KLHL34: variants seen among roughly 807,000 people sequenced by gnomAD.
The protein encoded by KLHL34 is kelch-like protein 34.
A neutral mutation model predicts 23.8 loss-of-function variants in KLHL34; 24 were observed. The ratio of observed to expected loss-of-function variants is 1.01; its 90% confidence interval spans 0.73 to 1.42. KLHL34 has a LOEUF of 1.42. Ranked by LOEUF, KLHL34 falls within the 40% of genes most tolerant of loss-of-function variation. KLHL34 has a pLI of 0.00. For synonymous variants in KLHL34, 303 were observed against 287.9 expected, an observed-to-expected ratio of 1.05 and a Z score of -0.53; for missense variants, 652 against 595.1, an observed-to-expected ratio of 1.10 and a Z score of -0.99.
chrX:21,655,635 G>A lies in KLHL34; in HGVS notation c.*219C>T. 1.9e-6 allele frequency: 1 copy of A among 517,429 alleles called. No homozygotes were observed. The highest frequency in any genetic ancestry group is 2.8e-6 in the Non-Finnish European group (1 of 362,678). The allele number at this position is 517,429 out of a possible 1,213,427, so 42.6% of individuals were successfully genotyped here. A position where few individuals can be genotyped will look rare whatever the true frequency, so the allele number is the denominator to read the frequency against. ...TTTCTTTCACCAGCTCACTGAAGTT[G>A]ATTCATATAGCCTTCTATTTGACCC... is the stretch of plus-strand genomic sequence containing the variant. On this transcript the variant is annotated 3_prime_UTR_variant, in exon 1 of 1. Coordinates refer to ENST00000379499, the MANE Select transcript of KLHL34 (RefSeq NM_153270.3).
Position 21,656,846 on chromosome X carries a change from CGGGCTCTG to C in KLHL34, c.935_942del (p.Pro312ArgfsTer124). 1 of 1,189,782 alleles carries C rather than the reference CGGGCTCTG, an allele frequency of 8.4e-7. No homozygotes were observed. The highest frequency in any genetic ancestry group is 3.0e-5 in the East Asian group (1 of 33,481). ...TCCTCCAACTCTTCCTCTTCTTCCT[CGGGCTCTG>C]GGGCGGCGACCTGGCCCCTAGCTGC... On this transcript the variant is annotated frameshift_variant, in exon 1 of 1. Transcript: ENST00000379499. LOFTEE classifies it high-confidence loss of function.
chrX:21,657,478 T>C lies in KLHL34; in HGVS notation c.311A>G (p.Glu104Gly). ...AGTGACCTGCAGGTAGCTGGCGGCC[T>C]CCAGAGTGTCCTCTACAGTGTCCAT... ...LSMDTVEDTL[E>G]AASYLQVTEA... The change falls in exon 1 of 1, where the codon GAG becomes GGG. Residue 104 changes from glutamate (E) to glycine (G), a missense_variant. Glu to Gly is a moderately conservative substitution (Grantham distance 98, BLOSUM62 -2). Transcript: ENST00000379499. 8.3e-7 allele frequency: 1 copy of C among 1,210,290 alleles called. No homozygotes were observed. The highest frequency in any genetic ancestry group is 1.1e-6 in the Non-Finnish European group (1 of 895,037).
In KLHL34 at chrX:21,657,219, C is replaced by G. The variant is rs771145151; in HGVS notation, c.570G>C (p.Arg190=). Residue 190 remains arginine (R), a synonymous_variant, in exon 1 of 1, where the codon CGG becomes CGC. Transcript: ENST00000379499. Reference sequence around the variant, plus strand: ...GGCCCAGTAGCCGGGCCTCGGGCACCCGCGCCACGTCGGGGGCACCCAGTA... The same window carrying G: ...GGCCCAGTAGCCGGGCCTCGGGCACGCGCGCCACGTCGGGGGCACCCAGTA... The part of the protein sequence containing the change: ...RAVLGAPDVA[R]VPEARLLGLA... 1.5e-5 allele frequency: 18 copies of G among 1,196,682 alleles called. No homozygotes were observed. The South Asian group carries it at 2.9e-4, about 19-fold the overall frequency.
In KLHL34 at chrX:21,656,269, C is replaced by T; in HGVS notation, c.1520G>A (p.Ser507Asn). The stretch of plus-strand genomic sequence containing the variant: ...TGCGGTGCCCATGGGTGCCTTCTTG[C>T]TCCAAACCTGCTCCTCAGGGCCCAG... ...YVLGPEEQVWSKKAPMGTARF... is the reference protein window; with the variant it reads ...YVLGPEEQVWNKKAPMGTARF... Residue 507 changes from serine (S) to asparagine (N), a missense_variant, in exon 1 of 1, where the codon AGC becomes AAC. By Grantham distance (46) the Ser-to-Asn change is conservative. Coordinates refer to ENST00000379499, the MANE Select transcript of KLHL34 (RefSeq NM_153270.3). 1 of 1,203,580 alleles carries T rather than the reference C, an allele frequency of 8.3e-7. No homozygotes were observed. Among genetic ancestry groups the T allele is most frequent in the Non-Finnish European group, 1.1e-6 (1 of 891,643 alleles).
chrX:21,658,024 C>T lies in KLHL34; in HGVS notation c.-236G>A, dbSNP rs777856852. The T allele has an allele frequency of 7.0e-4, 261 of 372,513 alleles. 1 individual carries two copies. The Middle Eastern group carries it at 9.7e-3, about 14-fold the overall frequency. The allele number at this position is 372,513 out of a possible 1,213,427, so 30.7% of individuals were successfully genotyped here. ...AACGGTTTTCGGAGGCCCCTAGTAACGGAGGGCGCGGAATTTGGAGGCTTC... is the reference window on the plus strand; with the variant it reads ...AACGGTTTTCGGAGGCCCCTAGTAATGGAGGGCGCGGAATTTGGAGGCTTC... On this transcript the variant is annotated 5_prime_UTR_variant, in exon 1 of 1. Transcript: ENST00000379499.
chrX:21,655,645 G>T lies in KLHL34; in HGVS notation c.*209C>A. ...CAGCTCACTGAAGTTGATTCATATAGCCTTCTATTTGACCCCCCGCCCCGC... is the reference window on the plus strand; with the variant it reads ...CAGCTCACTGAAGTTGATTCATATATCCTTCTATTTGACCCCCCGCCCCGC... On this transcript the variant is annotated 3_prime_UTR_variant, in exon 1 of 1. Coordinates refer to ENST00000379499, the MANE Select transcript of KLHL34 (RefSeq NM_153270.3). The T allele has an allele frequency of 1.7e-6, 1 of 593,774 alleles. No homozygotes were observed. Among genetic ancestry groups the T allele is most frequent in the Non-Finnish European group, 2.4e-6 (1 of 424,473 alleles). The allele number at this position is 593,774 out of a possible 1,213,427, so 48.9% of individuals were successfully genotyped here.
In KLHL34 at chrX:21,654,812, C is replaced by T. The variant is rs2092729217; in HGVS notation, c.*1042G>A. On this transcript the variant is annotated 3_prime_UTR_variant, in exon 1 of 1. Transcript: ENST00000379499. ...TAACTTTGCTGCCTCATTGGTGATA[C>T]AAGCCAAAAGCAGCACCTGTTCAGT... is the stretch of plus-strand genomic sequence containing the variant. 1 of 111,221 alleles carries T rather than the reference C, an allele frequency of 9.0e-6. No individual in the cohort carries two copies. Among genetic ancestry groups the T allele is most frequent in the Admixed American group, 9.6e-5 (1 of 10,471 alleles). The allele number at this position is 111,221 out of a possible 1,213,427, so 9.2% of individuals were successfully genotyped here. A position where few individuals can be genotyped will look rare whatever the true frequency, so the allele number is the denominator to read the frequency against.
chrX:21,656,342 C>T lies in KLHL34; in HGVS notation c.1447G>A (p.Ala483Thr). ...RGVVYISGGK[A>T]GRGEGGASSL... Reference sequence around the variant, plus strand: ...CTCGCTCCGCCCTCGCCTCTCCCTGCCTTGCCCCCCGAGATGTACACAACA... The same window carrying T: ...CTCGCTCCGCCCTCGCCTCTCCCTGTCTTGCCCCCCGAGATGTACACAACA... The change falls in exon 1 of 1, where the codon GCA (alanine) becomes ACA (threonine). Residue 483 changes from alanine to threonine, a missense_variant. Physicochemically the swap from Ala to Thr is moderately conservative, Grantham distance 58. Transcript: ENST00000379499. The T allele has an allele frequency of 8.3e-7, 1 of 1,199,570 alleles. No homozygotes were observed. Among genetic ancestry groups the T allele is most frequent in the Non-Finnish European group, 1.1e-6 (1 of 889,781 alleles).
Position 21,658,033 on chromosome X carries a change from C to A in KLHL34, c.-245G>T. 2.8e-6 allele frequency: 1 copy of A among 361,527 alleles called. No homozygotes were observed. The highest frequency in any genetic ancestry group is 7.8e-5 in the South Asian group (1 of 12,854). 29.8% of individuals were successfully genotyped at this position (361,527 alleles called of 1,213,427 possible). A position where few individuals can be genotyped will look rare whatever the true frequency, so the allele number is the denominator to read the frequency against. On this transcript the variant is annotated 5_prime_UTR_variant, in exon 1 of 1. Coordinates refer to ENST00000379499, the MANE Select transcript of KLHL34 (RefSeq NM_153270.3). Reference sequence around the variant, plus strand: ...CGGAGGCCCCTAGTAACGGAGGGCGCGGAATTTGGAGGCTTCCCGGGAGTG... The same window carrying A: ...CGGAGGCCCCTAGTAACGGAGGGCGAGGAATTTGGAGGCTTCCCGGGAGTG...
rs2092735733 is a variant in KLHL34, at chrX:21,657,795, CA to C, written c.-8del. 1.0e-5 allele frequency: 12 copies of C among 1,176,378 alleles called. No homozygotes were observed. Among genetic ancestry groups the C allele is most frequent in the Non-Finnish European group, 1.3e-5 (11 of 876,266 alleles). ...AAGACAGGAAGTAACTCATTCTACC[CA>C]GGGCTGGAAGCAGCCTGGTGGGACC... is the stretch of plus-strand genomic sequence containing the variant. On this transcript the variant is annotated 5_prime_UTR_variant, in exon 1 of 1. An upstream open reading frame in the 5' UTR gains an earlier in-frame stop. Transcript: ENST00000379499.
In KLHL34 at chrX:21,656,881, C is replaced by T. The variant is rs149145132; in HGVS notation, c.908G>A (p.Arg303Lys). 7.5e-4 allele frequency: 874 copies of T among 1,169,412 alleles called. 5 individuals are homozygous for T. Among genetic ancestry groups the T allele is most frequent in the Non-Finnish European group, 8.1e-4 (706 of 875,371 alleles). ...GGCGGCGACCTGGCCCCTAGCTGCC[C>T]TCTGCGGGGCCGCGACCTCCTCAAT... Reference protein sequence around the residue: ...VVIEEVAAPQRAARGQVAAPE... With the variant: ...VVIEEVAAPQKAARGQVAAPE... The change falls in exon 1 of 1, where the codon AGG becomes AAG. Residue 303 changes from arginine (R) to lysine (K), a missense_variant. Physicochemically the swap from Arg to Lys is conservative, Grantham distance 26 (BLOSUM62 2). Transcript: ENST00000379499.
chrX:21,656,312 G>A lies in KLHL34; in HGVS notation c.1477C>T (p.Leu493Phe). 1.7e-6 allele frequency: 2 copies of A among 1,200,255 alleles called. No individual in the cohort carries two copies. The highest frequency in any genetic ancestry group is 1.1e-6 in the Non-Finnish European group (1 of 889,945). The change falls in exon 1 of 1, where the codon CTC becomes TTC. Residue 493 changes from leucine (L) to phenylalanine (F), a missense_variant. Transcript: ENST00000379499. ...AGRGEGGASSLRDLYVLGPEE... is the reference protein window; with the variant it reads ...AGRGEGGASSFRDLYVLGPEE... ...GGGCCCAGGACGTATAAGTCCCGGA[G>A]GCTGCTCGCTCCGCCCTCGCCTCTC...
In KLHL34 at chrX:21,656,237, C is replaced by T. The variant is rs2092732184; in HGVS notation, c.1552G>A (p.Gly518Arg). 1.7e-6 allele frequency: 2 copies of T among 1,196,853 alleles called. No individual in the cohort carries two copies. The highest frequency in any genetic ancestry group is 2.3e-6 in the Non-Finnish European group (2 of 888,234). Residue 518 changes from glycine (G) to arginine (R), a missense_variant, in exon 1 of 1, where the codon GGG becomes AGG. By Grantham distance (125) the Gly-to-Arg change is moderately radical (BLOSUM62 -2). Transcript: ENST00000379499. The stretch of plus-strand genomic sequence containing the variant: ...CCGCGCAGCACTGCCATGTGGTGCC[C>T]GAAACGTGCGGTGCCCATGGGTGCC... Reference protein sequence around the residue: ...KKAPMGTARFGHHMAVLRGAV... With the variant: ...KKAPMGTARFRHHMAVLRGAV...
chrX:21,655,964 A>G lies in KLHL34; in HGVS notation c.1825T>C (p.Leu609=). 1 of 1,210,816 alleles carries G rather than the reference A, an allele frequency of 8.3e-7. No homozygotes were observed. The highest frequency in any genetic ancestry group is 1.1e-6 in the Non-Finnish European group (1 of 895,190). ...LDRWEDIGCA[L]PWAWSGLRCA... ...CGCAGGCCGCTCCAGGCCCAGGGCA[A>G]CGCGCAGCCGATGTCCTCCCAACGG... Residue 609 remains leucine (L), a synonymous_variant, in exon 1 of 1, where the codon TTG becomes CTG. Transcript: ENST00000379499.
chrX:21,656,397 G>T lies in KLHL34; in HGVS notation c.1392C>A (p.His464Gln), dbSNP rs770766945. The stretch of plus-strand genomic sequence containing the variant: ...GGTCCCCGACGGCCCCCGCGTGACC[G>T]TGCAGAGCCCGCGGTAGTGCCCCAG... ...TAAGALPRAL[H>Q]GHAGAVGDRG... The change falls in exon 1 of 1, where the codon CAC becomes CAA. Residue 464 changes from histidine to glutamine, a missense_variant. Coordinates refer to ENST00000379499, the MANE Select transcript of KLHL34 (RefSeq NM_153270.3). The T allele has an allele frequency of 8.4e-7, 1 of 1,195,897 alleles. No homozygotes were observed. The highest frequency in any genetic ancestry group is 2.2e-5 in the Admixed American group (1 of 44,961).
In KLHL34 at chrX:21,656,558, T is replaced by A. The variant is rs774445774; in HGVS notation, c.1231A>T (p.Met411Leu). 2 of 1,199,921 alleles carry A rather than the reference T, an allele frequency of 1.7e-6. No individual in the cohort carries two copies. The highest frequency in any genetic ancestry group is 1.8e-5 in the South Asian group (1 of 55,283). Residue 411 changes from methionine (M) to leucine (L), a missense_variant, in exon 1 of 1, where the codon ATG (methionine) becomes TTG (leucine). Coordinates refer to ENST00000379499, the MANE Select transcript of KLHL34 (RefSeq NM_153270.3). ...RFHAWTEVPA[M>L]REARAHFWCG... ...CAGAAGTGGGCCCGCGCTTCCCGCA[T>A]GGCGGGCACTTCCGTCCAAGCGTGG... is the stretch of plus-strand genomic sequence containing the variant.
In KLHL34 at chrX:21,656,820, TTCCTCC is replaced by T. The variant is rs2092733817; in HGVS notation, c.963_968del (p.Glu328_Glu329del). The stretch of plus-strand genomic sequence containing the variant: ...GCTCCCACTCCTCCTCCTCCTCCTC[TTCCTCC>T]AACTCTTCCTCTTCTTCCTCGGGCT... On this transcript the variant is annotated inframe_deletion, in exon 1 of 1. Coordinates refer to ENST00000379499, the MANE Select transcript of KLHL34 (RefSeq NM_153270.3). 1.2e-5 allele frequency: 14 copies of T among 1,190,694 alleles called. No homozygotes were observed. Among genetic ancestry groups the T allele is most frequent in the Non-Finnish European group, 1.6e-5 (14 of 884,630 alleles).
Position 21,655,748 on chromosome X carries a change from C to G in KLHL34, c.*106G>C. On this transcript the variant is annotated 3_prime_UTR_variant, in exon 1 of 1. Transcript: ENST00000379499. ...TTTGCCTGTTAACCTTCAGAAGCCA[C>G]TCTGCTCCCAGAATCCCTTTCTTAG... 1 of 1,070,660 alleles carries G rather than the reference C, an allele frequency of 9.3e-7. No individual in the cohort carries two copies. The highest frequency in any genetic ancestry group is 3.4e-5 in the East Asian group (1 of 29,129). The allele number at this position is 1,070,660 out of a possible 1,213,427, so 88.2% of individuals were successfully genotyped here.
In KLHL34 at chrX:21,656,481, G is replaced by T. The variant is rs1329656432; in HGVS notation, c.1308C>A (p.Gly436=). 2 of 1,194,838 alleles carry T rather than the reference G, an allele frequency of 1.7e-6. No homozygotes were observed. Among genetic ancestry groups the T allele is most frequent in the Non-Finnish European group, 2.2e-6 (2 of 889,098 alleles). The change falls in exon 1 of 1, where the codon GGC becomes GGA. Residue 436 remains glycine, a synonymous_variant. Transcript: ENST00000379499. ...RLLAVGGLGA[G]GEVLASVEMY... is the part of the protein sequence containing the mutation. ...TCTCCACCGAGGCCAGCACCTCACC[G>T]CCCGCACCCAGGCCCCCGACGGCCA...
Sources: gnomAD v4.1 joint callset for allele counts on GRCh38, gnomAD v4.1.1 for gene constraint, MANE v1.5 for transcripts, NCBI Gene and HGNC (gene_info 2026-07-23, HGNC 2026-07-21) for gene names.